Variants in CAMKMT observed in about 807,000 individuals in gnomAD.
CAMKMT encodes CaM KMT.
In CAMKMT, 53 loss-of-function variants were observed where a neutral mutation model predicts 48.0. That is an observed-to-expected ratio of 1.10 (90% CI 0.89 to 1.39). CAMKMT has a LOEUF of 1.39. Ranked by LOEUF, CAMKMT falls within the 40% of genes most tolerant of loss-of-function variation. The pLI, the probability that CAMKMT is intolerant of heterozygous loss-of-function variation, is 0.00. For synonymous variants in CAMKMT, 165 were observed against 152.3 expected (o/e 1.08, Z -0.61); for missense variants, 428 against 402.7 (o/e 1.06, Z -0.54).
intron 3 of CAMKMT, among the ~76,000 whole-genome samples, chr2:44,433,228 G>A (rs1238857296): frequency 6.6e-6 from 1 of 152,110 alleles, no homozygotes; most frequent in Non-Finnish European, 1.5e-5. Context: ...TTTCCAGGGT[G>A]TATTTTATAT....
intron 9 of CAMKMT, among the ~76,000 whole-genome samples, chr2:44,765,792 T>C (rs1018962448): frequency 6.6e-6 from 1 of 152,198 alleles, no homozygotes; most frequent in African/African-American, 2.4e-5. Flanking sequence ...GTGAATACTA[T>C]GAGGAACTGC....
intron 7 of CAMKMT, among the ~76,000 whole-genome samples, chr2:44,736,967 T>A (rs1302558118): frequency 6.6e-6 from 1 of 152,216 alleles, no homozygotes. Context: ...CAGTTTTCGA[T>A]TGAGTTCAGT....
intron 3 of CAMKMT, among the ~76,000 whole-genome samples, chr2:44,628,934 C>G (rs898982427): frequency 6.6e-6 from 1 of 152,062 alleles, no homozygotes; most frequent in Non-Finnish European, 1.5e-5. Context: ...TATAGCCCAT[C>G]AAATGGTTTA....
intron 3 of CAMKMT, among the ~76,000 whole-genome samples, chr2:44,491,494 C>G (rs1250990300): frequency 1.3e-5 from 2 of 152,012 alleles, no homozygotes; most frequent in African/African-American, 4.8e-5. Context: ...GAAGAAAATA[C>G]CGAAAACAGG....
chr2:44,706,940 A>G (rs1322014585), intron 5 of CAMKMT, among the ~76,000 whole-genome samples: 14 of 152,032 alleles, frequency 9.2e-5, no homozygotes, highest in Non-Finnish European at 5.9e-5. Flanking sequence ...CTCTTATACA[A>G]TGTGTCGAGG....
At chr2:44,570,151 G>A (rs1420934741) in intron 3 of CAMKMT, among the ~76,000 whole-genome samples, 1 of 152,042 alleles carries the variant, frequency 6.6e-6, no homozygotes, top group South Asian at 2.1e-4. Context: ...ATACAATGAG[G>A]TCCATTTAAA....
intron 3 of CAMKMT, among the ~76,000 whole-genome samples, chr2:44,483,431 T>C (rs1669071140): frequency 1.3e-5 from 2 of 152,168 alleles, no homozygotes; most frequent in South Asian, 4.1e-4. Context: ...AAAGATGTTA[T>C]CTAGTTAATG....
chr2:44,585,049 C>A (rs1406880479), intron 3 of CAMKMT, among the ~76,000 whole-genome samples: 1 of 149,408 alleles, frequency 6.7e-6, no homozygotes, highest in East Asian at 1.9e-4. Flanking sequence ...AGCGAGACTC[C>A]GTCTGAAAAA....
intron 3 of CAMKMT, among the ~76,000 whole-genome samples, chr2:44,552,611 G>A (rs1667781989): frequency 6.6e-6 from 1 of 152,100 alleles, no homozygotes; most frequent in African/African-American, 2.4e-5. Flanking sequence ...TTACGTTTCA[G>A]GAACCATGCT....
In CAMKMT at chr2:44,577,529, G is replaced by T. The variant is rs115737202; in HGVS notation, c.377-126754G>T. On this transcript the variant is annotated intron_variant, in intron 3 of 10. Transcript: ENST00000378494. ...AGCTACCTGGGAGGCTGAGATGGGA[G>T]GATCATCTGAGTCTGAGAGGTCCAG... is the stretch of plus-strand genomic sequence containing the variant. 3.3e-3 allele frequency among the ~76,000 whole-genome samples: 505 copies of T among 152,230 alleles called. 2 individuals carry two copies. Among genetic ancestry groups the T allele is most frequent in the African/African-American group, 0.011 (475 of 41,534 alleles).
At chr2:44,508,893 C>T (rs1045625058) in intron 3 of CAMKMT, among the ~76,000 whole-genome samples, 3 of 151,996 alleles carry the variant, frequency 2.0e-5, no homozygotes, top group East Asian at 1.9e-4. Flanking sequence ...GTCATGAGTT[C>T]GAGACCAGCC....
At chr2:44,598,500 A>T in intron 3 of CAMKMT, among the ~76,000 whole-genome samples, 1 of 151,594 alleles carries the variant, frequency 6.6e-6, no homozygotes. Context: ...TTCCTGCTGG[A>T]ATTAGCATTG....
intron 1 of CAMKMT, among the ~76,000 whole-genome samples, chr2:44,368,021 G>A (rs1033384145): frequency 6.6e-6 from 1 of 152,176 alleles, no homozygotes; most frequent in Non-Finnish European, 1.5e-5. Flanking sequence ...GACTTCCATT[G>A]TGTTCAGTTG....
chr2:44,626,029 G>A (rs1672460720), intron 3 of CAMKMT, among the ~76,000 whole-genome samples: 1 of 152,076 alleles, frequency 6.6e-6, no homozygotes. Flanking sequence ...AATCAGGTTG[G>A]CAATCTCTAA....
At chr2:44,533,462 C>A (rs1666598563) in intron 3 of CAMKMT, among the ~76,000 whole-genome samples, 2 of 152,262 alleles carry the variant, frequency 1.3e-5, no homozygotes, top group East Asian at 3.9e-4. Context: ...TGGTCTTGAA[C>A]TCCTGACCTC....
At chr2:44,409,348 G>A (rs995986780) in intron 3 of CAMKMT, among the ~76,000 whole-genome samples, 6 of 151,954 alleles carry the variant, frequency 3.9e-5, no homozygotes, top group East Asian at 3.9e-4. Flanking sequence ...CGTGACATTT[G>A]TTATGTTCTT....
intron 3 of CAMKMT, among the ~76,000 whole-genome samples, chr2:44,448,724 CTG>C (rs1667135592): frequency 1.3e-5 from 2 of 152,102 alleles, no homozygotes; most frequent in Non-Finnish European, 2.9e-5. Context: ...ATGTTATAAA[CTG>C]TTATTCTGAG....
intron 2 of CAMKMT, among the ~76,000 whole-genome samples, chr2:44,374,083 A>G (rs576881774): frequency 1.2e-3 from 160 of 138,056 alleles, no homozygotes; most frequent in Non-Finnish European, 1.6e-3. Flanking sequence ...GTGCCATTGC[A>G]TTCTAGCCTG....
At chr2:44,672,780 C>T (rs1675405456) in intron 3 of CAMKMT, among the ~76,000 whole-genome samples, 1 of 152,096 alleles carries the variant, frequency 6.6e-6, no homozygotes, top group Non-Finnish European at 1.5e-5. Flanking sequence ...CCCTGAAGTA[C>T]TGTAAGATGT....
Sources: allele counts gnomAD v4.1 joint callset (sites outside exome capture counted in the v4.1 genomes callset), GRCh38; gene constraint gnomAD v4.1.1; transcripts MANE v1.5; gene names NCBI Gene and HGNC (gene_info 2026-07-23, HGNC 2026-07-21).